The following GGNBP2 variants were observed in gnomAD, a reference collection of about 807,000 sequenced individuals.
GGNBP2 encodes the protein gametogenetin binding protein 2.
Under a neutral mutation model 85.9 loss-of-function variants are expected in GGNBP2, and 10 were observed. The observed-to-expected ratio is 0.12, with a 90% CI of 0.07 to 0.20. The LOEUF (loss-of-function observed/expected upper bound fraction) is 0.20, where lower values mean the gene tolerates loss of function less well. Among genes scored for constraint, GGNBP2 ranks in the 10% least tolerant of loss-of-function variants. The pLI is 1.00. For missense variants in GGNBP2, 595 were observed against 857.8 expected, an observed-to-expected ratio of 0.69 and a Z score of 3.83; for synonymous variants, 287 against 285.7, an observed-to-expected ratio of 1.00 and a Z score of -0.05.
chr17:36,567,923 G>A (rs2074484135), intron 6 of GGNBP2, 147 bp downstream of exon 6: 3 of 474,792 alleles, frequency 6.3e-6, no homozygotes. Flanking sequence ...TATTAGAGTA[G>A]GCAGTTCCTT....
At chr17:36,564,774 T>C (rs1357000913) in intron 5 of GGNBP2, among the ~76,000 whole-genome samples, 1 of 149,034 alleles carries the variant, frequency 6.7e-6, no homozygotes, top group Non-Finnish European at 1.5e-5. Context: ...CCACCCCCCA[T>C]AGCTTTTTTA....
chr17:36,584,766 G>C lies in GGNBP2; in HGVS notation c.1216-534G>C, dbSNP rs530656171. On this transcript the variant is annotated intron_variant, in intron 9 of 13. Transcript: ENST00000613102. ...GAGTTCAAGAGTTCAAGACTAGCCT[G>C]GGCAACATAACGAAACCCTGTCTCT... 2.6e-5 allele frequency among the ~76,000 whole-genome samples: 4 copies of C among 152,232 alleles called. No homozygotes were observed. The South Asian group carries it at 8.3e-4, about 32-fold the overall frequency.
chr17:36,564,127 T>A (rs1394423620), intron 5 of GGNBP2, among the ~76,000 whole-genome samples: 1 of 152,238 alleles, frequency 6.6e-6, no homozygotes, highest in Non-Finnish European at 1.5e-5. Flanking sequence ...GTCAGTAGCT[T>A]CAGAGAATTT....
intron 2 of GGNBP2, among the ~76,000 whole-genome samples, chr17:36,548,040 A>C (rs1017253036): frequency 6.6e-6 from 1 of 152,242 alleles, no homozygotes; most frequent in Non-Finnish European, 1.5e-5. Flanking sequence ...TATGCTCTGC[A>C]TTGTTCCTTT....
At chr17:36,572,997 GATTC>G (rs145427941) in intron 6 of GGNBP2, among the ~76,000 whole-genome samples, 7,606 of 152,128 alleles carry the variant, frequency 0.05, 315 homozygotes, top group East Asian at 0.16. Flanking sequence ...TAATGTCTAA[GATTC>G]ATCTATGTTG....
chr17:36,545,257 G>C (rs2074237673), intron 1 of GGNBP2, among the ~76,000 whole-genome samples, 160 bp downstream of exon 1: 1 of 152,160 alleles, frequency 6.6e-6, no homozygotes, highest in African/African-American at 2.4e-5. Flanking sequence ...TGGGGGCAGA[G>C]GGCACCCGGG....
chr17:36,581,745 A>T (rs1308080282), intron 9 of GGNBP2: 1 of 342,150 alleles, frequency 2.9e-6, no homozygotes. Flanking sequence ...TTTTAATAAA[A>T]ATAAAAAGTA....
At chr17:36,568,772 T>G (rs145341115) in intron 6 of GGNBP2, among the ~76,000 whole-genome samples, 1,665 of 152,272 alleles carry the variant, frequency 0.011, 24 homozygotes, top group African/African-American at 0.038. Flanking sequence ...TTTTTTTTTT[T>G]TTGAGACGAA....
At chr17:36,570,531 C>A (rs908299756) in intron 6 of GGNBP2, among the ~76,000 whole-genome samples, 2 of 151,974 alleles carry the variant, frequency 1.3e-5, no homozygotes, top group African/African-American at 2.4e-5. Context: ...GAAACCCCAT[C>A]TCTACTAAAT....
chr17:36,564,625 A>G (rs998722250), intron 5 of GGNBP2, among the ~76,000 whole-genome samples: 6 of 152,178 alleles, frequency 3.9e-5, no homozygotes, highest in Non-Finnish European at 8.8e-5. Context: ...AGTTATTCCC[A>G]CAGGCCACAT....
intron 6 of GGNBP2, 50 bp downstream of exon 6, chr17:36,567,826 A>C: frequency 2.2e-6 from 2 of 898,054 alleles, no homozygotes; most frequent in Non-Finnish European, 3.7e-6. Context: ...CTTATGTGTC[A>C]GTCACCTAGA....
intron 4 of GGNBP2, among the ~76,000 whole-genome samples, 161 bp from the exon 5 acceptor site, chr17:36,560,612 A>G (rs1421884005): frequency 2.0e-5 from 2 of 101,410 alleles, no homozygotes; most frequent in Non-Finnish European, 4.1e-5. Context: ...CAGTGTTGAA[A>G]TAACGTGAGT....
intron 9 of GGNBP2, chr17:36,582,378 T>G (rs2074659916): frequency 6.6e-6 from 1 of 152,118 alleles, no homozygotes; most frequent in African/African-American, 2.4e-5. Flanking sequence ...AGAGTGAAAC[T>G]CTCTCAAAAT....
At chr17:36,550,955 A>G (rs898288253) in intron 2 of GGNBP2, among the ~76,000 whole-genome samples, 9 of 152,190 alleles carry the variant, frequency 5.9e-5, no homozygotes, top group Admixed American at 4.6e-4. Flanking sequence ...GCATATAGTG[A>G]TTGGCCAGAA....
chr17:36,587,719 TCTA>T (rs2074716853), intron 13 of GGNBP2: 1 of 156,890 alleles, frequency 6.4e-6, no homozygotes, highest in Non-Finnish European at 1.4e-5. Context: ...AAACCCCGTC[TCTA>T]CTAAAAATAC....
rs71274856 is a variant in GGNBP2, at chr17:36,575,648, A to ATTT, written c.642-2322_642-2320dup. 6.5e-3 allele frequency among the ~76,000 whole-genome samples: 359 copies of ATTT among 54,858 alleles called. 14 individuals carry two copies. The highest frequency in any genetic ancestry group is 0.012 in the African/African-American group (107 of 9,180). The allele number at this position is 54,858 out of a possible 152,430, so 36.0% of individuals were successfully genotyped here. ...TATATATATATATATATATATATAT[A>ATTT]TTTTTTTTTTTTTTTGAGATGGAGT... On this transcript the variant is annotated intron_variant, in intron 6 of 13. Transcript: ENST00000613102.
chr17:36,549,151 T>C (rs940953058), intron 2 of GGNBP2, among the ~76,000 whole-genome samples: 3 of 152,204 alleles, frequency 2.0e-5, no homozygotes, highest in Non-Finnish European at 4.4e-5. Flanking sequence ...GTTACTACAA[T>C]TATAAAATAA....
At position 36,578,022 on chromosome 17, in the gene GGNBP2, C is replaced by T. The variant is rs1171365493; in HGVS notation, c.681C>T (p.Tyr227=). 1.9e-6 allele frequency: 3 copies of T among 1,614,122 alleles called. No homozygotes were observed. The highest frequency in any genetic ancestry group is 2.5e-6 in the Non-Finnish European group (3 of 1,180,008). The part of the protein sequence containing the change: ...TDCKNKVLRA[Y]NILIGELDCS... ...GCAAAAATAAAGTCCTCCGAGCATA[C>T]AATATCCTTATTGGTGAACTTGACT... The change falls in exon 7 of 14, where the codon TAC becomes TAT. Residue 227 remains tyrosine, a synonymous_variant. Coordinates refer to ENST00000613102, the MANE Select transcript of GGNBP2 (RefSeq NM_024835.5).
Position 36,585,418 on chromosome 17 carries a change from G to A in GGNBP2, c.1334G>A (p.Gly445Asp), listed in dbSNP as rs1319131062. 1.9e-6 allele frequency: 3 copies of A among 1,606,660 alleles called. No homozygotes were observed. The African/African-American group carries it at 4.0e-5, about 22-fold the overall frequency. Residue 445 changes from glycine (G) to aspartate (D), a missense_variant, in exon 10 of 14, where the codon GGC becomes GAC. This residue lies in a region of GGNBP2 where 85 missense variants were observed against 92.6 expected (regional missense o/e 0.92). Transcript: ENST00000613102. ...ENTSCTCPSSGNLLGSPKIKK... is the reference protein window; with the variant it reads ...ENTSCTCPSSDNLLGSPKIKK... ...ACATCATGTACCTGTCCTAGCAGTG[G>A]CAATCTTTTGGGGTCCCCTAAAATA...
Sources: gnomAD v4.1 joint callset for allele counts (sites outside exome capture counted in the v4.1 genomes callset) on GRCh38, gnomAD v4.1.1 for gene constraint, gnomAD v4.1.1 regional missense constraint, MANE v1.5 for transcripts, NCBI Gene and HGNC (gene_info 2026-07-23, HGNC 2026-07-21) for gene names.